Variants in NRG3 observed in about 807,000 individuals in gnomAD.
NRG3 encodes neuregulin 3, also known as pro-neuregulin-3, membrane-bound isoform.
A neutral mutation model predicts 66.9 loss-of-function variants in NRG3; 31 were observed. That is an observed-to-expected ratio of 0.46 (90% CI 0.35 to 0.63). NRG3 has a LOEUF of 0.63. Among genes scored for constraint, NRG3 ranks in the 20% least tolerant of loss-of-function variants. NRG3 has a pLI of 0.00. For synonymous variants in NRG3, 393 were observed against 359.4 expected (o/e 1.09, Z -1.06); for missense variants, 910 against 878.9 (o/e 1.04, Z -0.45).
At chr10:82,812,127 T>C (rs546617050) in intron 3 of NRG3, among the ~76,000 whole-genome samples, 1 of 152,316 alleles carries the variant, frequency 6.6e-6, no homozygotes, top group East Asian at 1.9e-4. Context: ...AATATGTATA[T>C]AATTATGTGG....
intron 1 of NRG3, among the ~76,000 whole-genome samples, chr10:82,051,515 G>T (rs554463023): frequency 6.6e-6 from 1 of 151,638 alleles, no homozygotes; most frequent in African/African-American, 2.4e-5. Context: ...TGGATGATCA[G>T]CTCATAGTCC....
intron 2 of NRG3, among the ~76,000 whole-genome samples, chr10:82,443,358 TA>T (rs11423001): frequency 6.6e-6 from 1 of 151,866 alleles, no homozygotes; most frequent in East Asian, 1.9e-4. Flanking sequence ...TTCTAGATGG[TA>T]AAAAAAATAA....
At chr10:81,990,887 A>G (rs980359962) in intron 1 of NRG3, among the ~76,000 whole-genome samples, 1 of 152,200 alleles carries the variant, frequency 6.6e-6, no homozygotes, top group Admixed American at 6.5e-5. Context: ...TTTTCTACCT[A>G]CTAGTAAAAT....
At chr10:82,459,254 C>T (rs1257263329) in intron 2 of NRG3, among the ~76,000 whole-genome samples, 2 of 152,224 alleles carry the variant, frequency 1.3e-5, no homozygotes, top group African/African-American at 2.4e-5. Context: ...CCTTGCATTG[C>T]TGTGCATTGC....
chr10:82,218,918 A>G (rs2075810393), intron 1 of NRG3, among the ~76,000 whole-genome samples: 1 of 152,136 alleles, frequency 6.6e-6, no homozygotes, highest in Non-Finnish European at 1.5e-5. Context: ...TTGGGCTTGC[A>G]TTGCAGAGAA....
intron 1 of NRG3, among the ~76,000 whole-genome samples, chr10:82,315,380 C>G (rs1226802185): frequency 6.6e-6 from 1 of 152,082 alleles, no homozygotes; most frequent in Admixed American, 6.6e-5. Context: ...TCAAAATAGC[C>G]TAAAGTAAAA....
At chr10:82,562,139 C>T (rs1012134188) in intron 2 of NRG3, among the ~76,000 whole-genome samples, 1 of 152,270 alleles carries the variant, frequency 6.6e-6, no homozygotes, top group African/African-American at 2.4e-5. Flanking sequence ...TGAAATATTA[C>T]GGTGCTAAAT....
intron 6 of NRG3, among the ~76,000 whole-genome samples, chr10:82,969,398 A>T (rs1328189298): frequency 6.6e-6 from 1 of 152,134 alleles, no homozygotes; most frequent in Admixed American, 6.5e-5. Context: ...GGTACTTTGC[A>T]ATACACAATC....
Position 82,734,212 on chromosome 10 carries a change from C to T in NRG3, c.954-4365C>T, listed in dbSNP as rs1483625785. Among the ~76,000 whole-genome samples, 6 of 152,278 alleles carry T rather than the reference C, an allele frequency of 3.9e-5. No individual in the cohort carries two copies. The South Asian group carries it at 6.2e-4, about 16-fold the overall frequency. ...TAAAACTCTTTACTTAAACCAGCCA[C>T]TGGGCTTTTCCTTGGGGACAATGTA... On this transcript the variant is annotated intron_variant, in intron 2 of 8. Transcript: ENST00000372141.
At chr10:82,733,828 T>G (rs1591353327) in intron 2 of NRG3, among the ~76,000 whole-genome samples, 1 of 152,348 alleles carries the variant, frequency 6.6e-6, no homozygotes, top group East Asian at 1.9e-4. Flanking sequence ...TTTCACTCAT[T>G]GTCATATTAT....
chr10:82,613,376 TA>T (rs2048429005), intron 2 of NRG3, among the ~76,000 whole-genome samples: 1 of 151,818 alleles, frequency 6.6e-6, no homozygotes, highest in Non-Finnish European at 1.5e-5. Flanking sequence ...AGACAATCAT[TA>T]AAAAATTGTG....
At chr10:82,888,414 T>G (rs951101461) in intron 4 of NRG3, among the ~76,000 whole-genome samples, 3 of 152,178 alleles carry the variant, frequency 2.0e-5, no homozygotes, top group Middle Eastern at 3.2e-3. Flanking sequence ...TCCATTGACT[T>G]GAAAATGTGC....
In NRG3 at chr10:82,883,879, AT is replaced by A. The variant is rs903848351; in HGVS notation, c.1054+18450del. On this transcript the variant is annotated intron_variant, in intron 4 of 8. Coordinates refer to ENST00000372141, the MANE Select transcript of NRG3 (RefSeq NM_001010848.4). Reference sequence around the variant, plus strand: ...AGTATCCTGATTCATCTTTTCTGTCATTTTTTTTCACACCAGAGTTGTGTCT... The same window carrying A: ...AGTATCCTGATTCATCTTTTCTGTCATTTTTTTCACACCAGAGTTGTGTCT... 3.7e-4 allele frequency among the ~76,000 whole-genome samples: 55 copies of A among 150,006 alleles called. No individual in the cohort carries two copies. In the South Asian group the frequency reaches 9.2e-3, roughly 25 times the overall value.
chr10:82,981,868 C>T (rs1564692890), intron 8 of NRG3, among the ~76,000 whole-genome samples: 1 of 152,164 alleles, frequency 6.6e-6, no homozygotes, highest in African/African-American at 2.4e-5. Flanking sequence ...GTTAGATTCA[C>T]ACCTTAAAAG....
At chr10:81,919,948 C>G (rs188289080) in intron 1 of NRG3, among the ~76,000 whole-genome samples, 1 of 152,064 alleles carries the variant, frequency 6.6e-6, no homozygotes, top group Admixed American at 6.6e-5. Flanking sequence ...TGTTCTTCCC[C>G]GCTACTGCTA....
intron 1 of NRG3, among the ~76,000 whole-genome samples, chr10:82,271,990 A>C (rs1215131815): frequency 6.6e-6 from 1 of 152,140 alleles, no homozygotes; most frequent in Non-Finnish European, 1.5e-5. Context: ...TGTACAAAAC[A>C]TATAAACCTA....
intron 2 of NRG3, among the ~76,000 whole-genome samples, chr10:82,529,852 T>A (rs573398928): frequency 2.6e-5 from 4 of 152,290 alleles, no homozygotes; most frequent in Non-Finnish European, 5.9e-5. Flanking sequence ...TAAATTAACT[T>A]CACTCATTTT....
chr10:82,823,751 A>G (rs961902763), intron 3 of NRG3, among the ~76,000 whole-genome samples: 2 of 152,166 alleles, frequency 1.3e-5, no homozygotes, highest in Non-Finnish European at 2.9e-5. Context: ...TTTTATCTTC[A>G]GAGTAACCCC....
chr10:82,967,926 C>G (rs756607207), intron 6 of NRG3, among the ~76,000 whole-genome samples: 4 of 152,160 alleles, frequency 2.6e-5, no homozygotes, highest in Non-Finnish European at 5.9e-5. Context: ...CAGATTCCAG[C>G]AACTTGTCCA....
Sources: gnomAD v4.1 joint callset for allele counts (sites outside exome capture counted in the v4.1 genomes callset) on GRCh38, gnomAD v4.1.1 for gene constraint, MANE v1.5 for transcripts, NCBI Gene and HGNC (gene_info 2026-07-23, HGNC 2026-07-21) for gene names.